Variants in IGDCC3 observed in about 807,000 individuals in gnomAD.
IGDCC3 encodes the protein putative neuronal cell adhesion molecule.
Under a neutral mutation model 72.0 loss-of-function variants are expected in IGDCC3, and 47 were observed. The ratio of observed to expected loss-of-function variants is 0.65; its 90% CI spans 0.52 to 0.83. The LOEUF is 0.83. Among genes scored for constraint, IGDCC3 ranks in the 40% least tolerant of loss-of-function variants. The probability of loss-of-function intolerance (pLI) is 0.00; values close to 1 mark genes in which losing one functional copy is unlikely to be tolerated. For missense variants in IGDCC3, 1,038 were observed against 1,091.3 expected (o/e 0.95, Z 0.69); for synonymous variants, 477 against 472.8 (o/e 1.01, Z -0.11).
chr15:65,331,156 G>A lies in IGDCC3; in HGVS notation c.1455C>T (p.Val485=). Reference sequence around the variant, plus strand: ...AGGCTGTGGAGGGCTCCAGGTCGCTGACCAGGTGCTGAAAGGTGCTCTTGC... The same window carrying A: ...AGGCTGTGGAGGGCTCCAGGTCGCTAACCAGGTGCTGAAAGGTGCTCTTGC... The part of the protein sequence containing the change: ...AVSKSTFQHL[V]SDLEPSTAYS... Residue 485 remains valine (V), a synonymous_variant, in exon 9 of 14, where the codon GTC becomes GTT. Coordinates refer to ENST00000327987, the MANE Select transcript of IGDCC3 (RefSeq NM_004884.4). 1 of 1,614,104 alleles carries A rather than the reference G, an allele frequency of 6.2e-7. No homozygotes were observed. Among genetic ancestry groups the A allele is most frequent in the Non-Finnish European group, 8.5e-7 (1 of 1,179,990 alleles).
rs777566955 is a variant in IGDCC3, at chr15:65,329,692, C to G, written c.1997+34G>C. ...TTCTCTAGGCCTAGTCCCCCACACA[C>G]CAGCCCAGCCCCTCTCCCTGGCCCA... is the stretch of plus-strand genomic sequence containing the variant. On this transcript the variant is annotated intron_variant, in intron 12 of 13. Coordinates refer to ENST00000327987, the MANE Select transcript of IGDCC3 (RefSeq NM_004884.4). This position sits in a 1 kb window ranked among gnomAD's most constrained non-coding sequence, Gnocchi z 4.1. 6 of 1,613,510 alleles carry G rather than the reference C, an allele frequency of 3.7e-6. No homozygotes were observed. The Admixed American group carries it at 1.0e-4, about 27-fold the overall frequency.
At chr15:65,336,991 C>T (rs755841470) in intron 2 of IGDCC3, among the ~76,000 whole-genome samples, 22 of 152,262 alleles carry the variant, frequency 1.4e-4, no homozygotes, top group South Asian at 1.2e-3. Flanking sequence ...CTGGGACAGT[C>T]GCTCCCCTCC....
At chr15:65,362,869 T>TC (rs1247055895) in intron 2 of IGDCC3, among the ~76,000 whole-genome samples, 1 of 144,634 alleles carries the variant, frequency 6.9e-6, no homozygotes, top group Non-Finnish European at 1.5e-5. Context: ...TTTTTTTTTT[T>TC]TTTTAGACAG....
intron 2 of IGDCC3, among the ~76,000 whole-genome samples, chr15:65,362,872 TTA>T (rs1491191843): frequency 5.5e-5 from 7 of 127,470 alleles, no homozygotes; most frequent in African/African-American, 2.0e-4. Flanking sequence ...TTTTTTTTTT[TTA>T]GACAGAGTCT....
chr15:65,335,730 G>A (rs2091022495), intron 3 of IGDCC3, 82 bp downstream of exon 3: 2 of 1,533,636 alleles, frequency 1.3e-6, no homozygotes, highest in Non-Finnish European at 1.8e-6. Context: ...GCAGCTCCCA[G>A]AGCCGCGGGC....
At chr15:65,349,693 T>G (rs556266361) in intron 2 of IGDCC3, among the ~76,000 whole-genome samples, 1 of 152,202 alleles carries the variant, frequency 6.6e-6, no homozygotes, top group Non-Finnish European at 1.5e-5. Context: ...TTTATGTTCT[T>G]GGGAGCTTCA....
At chr15:65,342,711 G>A (rs571922862) in intron 2 of IGDCC3, among the ~76,000 whole-genome samples, 16 of 152,240 alleles carry the variant, frequency 1.1e-4, no homozygotes, top group Admixed American at 6.5e-4. Context: ...TCTTGGCCAC[G>A]TGGACTCAGA....
At position 65,342,386 on chromosome 15, in the gene IGDCC3, C is replaced by CAA. The variant is rs112033446; in HGVS notation, c.410-6432_410-6431dup. Among the ~76,000 whole-genome samples the CAA allele has an allele frequency of 2.4e-3, 299 of 126,490 alleles. 1 individual carries two copies. Among genetic ancestry groups the CAA allele is most frequent in the African/African-American group, 7.2e-3 (247 of 34,328 alleles). 83.0% of individuals were successfully genotyped at this position (126,490 alleles called of 152,430 possible). On this transcript the variant is annotated intron_variant, in intron 2 of 13. Transcript: ENST00000327987. ...GGGCAACAAGAGTGAAACTCCGTCTCAAAAAAAAAAAAAAATTAGAATTAC... is the reference window on the plus strand; with the variant it reads ...GGGCAACAAGAGTGAAACTCCGTCTCAAAAAAAAAAAAAAAAATTAGAATTAC...
intron 6 of IGDCC3, 120 bp downstream of exon 6, chr15:65,333,137 G>A (rs866229330): frequency 1.9e-5 from 19 of 986,280 alleles, no homozygotes; most frequent in African/African-American, 5.0e-5. Context: ...GGTGAGGGGC[G>A]AGGGGCAGGG....
intron 2 of IGDCC3, among the ~76,000 whole-genome samples, chr15:65,345,593 TGC>T (rs1322767535): frequency 2.7e-5 from 4 of 148,682 alleles, no homozygotes; most frequent in Non-Finnish European, 1.5e-5. Flanking sequence ...CACACACGCA[TGC>T]ACACACAGAC....
Position 65,328,944 on chromosome 15 carries a change from C to G in IGDCC3, c.2410G>C (p.Ala804Pro). Residue 804 changes from alanine to proline, a missense_variant, in exon 14 of 14, where the codon GCC (alanine) becomes CCC (proline). By Grantham distance (27) the Ala-to-Pro change is conservative. Coordinates refer to ENST00000327987, the MANE Select transcript of IGDCC3 (RefSeq NM_004884.4). ...GAGTGAGCTGGCTGGGTAACCCGGG[C>G]CGCTGCAGGCCTGGAAGCCTGGCCT... ...SEGQASRPAA[A>P]RVTQPAHSEQ is the part of the protein sequence containing the mutation. The G allele has an allele frequency of 6.4e-7, 1 of 1,564,756 alleles. No homozygotes were observed. The highest frequency in any genetic ancestry group is 8.6e-7 in the Non-Finnish European group (1 of 1,158,598).
chr15:65,369,703 C>A (rs1232479316), intron 2 of IGDCC3, among the ~76,000 whole-genome samples: 3 of 152,150 alleles, frequency 2.0e-5, no homozygotes, highest in South Asian at 4.1e-4. Flanking sequence ...GCATTCCACA[C>A]ACCAGGCCTG....
chr15:65,348,955 C>T (rs938009998), intron 2 of IGDCC3, among the ~76,000 whole-genome samples: 6 of 152,226 alleles, frequency 3.9e-5, no homozygotes, highest in Non-Finnish European at 7.3e-5. Context: ...CCCTGCTCAA[C>T]TGACAGCAGC....
intron 2 of IGDCC3, among the ~76,000 whole-genome samples, chr15:65,354,995 C>T (rs766741659): frequency 6.6e-6 from 1 of 152,198 alleles, no homozygotes; most frequent in Non-Finnish European, 1.5e-5. Context: ...CTGGAAGTGA[C>T]CCTAGGACTG....
intron 2 of IGDCC3, among the ~76,000 whole-genome samples, chr15:65,336,959 C>A (rs2091034982): frequency 6.6e-6 from 1 of 152,116 alleles, no homozygotes; most frequent in South Asian, 2.1e-4. Context: ...CAGGCAGCCC[C>A]TCGTCTCAGG....
chr15:65,346,329 T>A (rs919207995), intron 2 of IGDCC3, among the ~76,000 whole-genome samples: 5 of 152,244 alleles, frequency 3.3e-5, no homozygotes, highest in Non-Finnish European at 7.3e-5. Flanking sequence ...TGCAGGTCTA[T>A]GCCTGTAGTC....
intron 2 of IGDCC3, among the ~76,000 whole-genome samples, chr15:65,369,366 T>A (rs28685030): frequency 0.018 from 2,679 of 152,276 alleles, 85 homozygotes; most frequent in African/African-American, 0.06. Flanking sequence ...CCACACAGGA[T>A]CCCTGGTGTC....
Position 65,334,458 on chromosome 15 carries a change from G to T in IGDCC3, c.823+270C>A, listed in dbSNP as rs2091007988. On this transcript the variant is annotated intron_variant, in intron 5 of 13. Coordinates refer to ENST00000327987, the MANE Select transcript of IGDCC3 (RefSeq NM_004884.4). ...AGGGTGCTGGGGTCCCCGAGGCCAGGGTGAGGGGAGGACTGCAGGGACTGG... is the reference window on the plus strand; with the variant it reads ...AGGGTGCTGGGGTCCCCGAGGCCAGTGTGAGGGGAGGACTGCAGGGACTGG... 1.6e-5 allele frequency: 7 copies of T among 440,878 alleles called. No individual in the cohort carries two copies. In the South Asian group the frequency reaches 3.4e-4, roughly 21 times the overall value. 27.3% of individuals were successfully genotyped at this position (440,878 alleles called of 1,614,324 possible).
At position 65,335,883 on chromosome 15, in the gene IGDCC3, T is replaced by G. The variant is rs1415812142; in HGVS notation, c.483A>C (p.Gln161His). 3 of 1,614,044 alleles carry G rather than the reference T, an allele frequency of 1.9e-6. No individual in the cohort carries two copies. In the African/African-American group the frequency reaches 4.0e-5, roughly 22 times the overall value. The change falls in exon 3 of 14, where the codon CAA becomes CAC. Residue 161 changes from glutamine (Q) to histidine (H), a missense_variant. Transcript: ENST00000327987. ...TCAGGGGTTTGGGAAGCCCATGGAT[T>G]TGGCACTGGAAGCGGGCCACACCAC... Reference protein sequence around the residue: ...EEGGVARFQCQIHGLPKPLIT... With the variant: ...EEGGVARFQCHIHGLPKPLIT...
Sources: allele counts gnomAD v4.1 joint callset (sites outside exome capture counted in the v4.1 genomes callset), GRCh38; gene constraint gnomAD v4.1.1; non-coding constraint Gnocchi (gnomAD v3.1); transcripts MANE v1.5; gene names NCBI Gene and HGNC (gene_info 2026-07-23, HGNC 2026-07-21).